Variants in SH3BP5 observed in about 807,000 individuals in gnomAD.
The protein encoded by SH3BP5 is SH3 domain binding protein 5.
In SH3BP5, 22 loss-of-function variants were observed where a neutral mutation model predicts 43.3. The observed-to-expected ratio is 0.51, with a 90% CI of 0.36 to 0.73. SH3BP5 has a LOEUF of 0.73. Among genes scored for constraint, SH3BP5 ranks in the 30% least tolerant of loss-of-function variants. The pLI is 0.00. For missense variants in SH3BP5, 529 were observed against 586.9 expected, an observed-to-expected ratio of 0.90 and a Z score of 1.02; for synonymous variants, 255 against 225.8, an observed-to-expected ratio of 1.13 and a Z score of -1.16.
intron 7 of SH3BP5, 110 bp downstream of exon 7, chr3:15,258,721 C>G (rs1275938724): frequency 1.2e-5 from 11 of 904,214 alleles, no homozygotes; most frequent in Non-Finnish European, 1.9e-5. Context: ...AGCCCTCAGG[C>G]CTGCCCAACT....
intron 2 of SH3BP5, among the ~76,000 whole-genome samples, chr3:15,328,135 C>T (rs1035363269): frequency 5.9e-5 from 9 of 152,256 alleles, no homozygotes; most frequent in Non-Finnish European, 2.9e-5. Flanking sequence ...CAGCCCAGCC[C>T]TGGCCACCCC....
intron 1 of SH3BP5, among the ~76,000 whole-genome samples, chr3:15,340,520 A>G (rs1381171371): frequency 6.6e-6 from 1 of 152,098 alleles, no homozygotes. Context: ...TAATCCCAAC[A>G]CTTTGGGATC....
Position 15,256,098 on chromosome 3 carries a change from C to T in SH3BP5, c.1356G>A (p.Val452=). Residue 452 remains valine (V), a synonymous_variant, in exon 9 of 9, where the codon GTG becomes GTA. Transcript: ENST00000383791. ...RDGIIADIKM[V]QIG ...GGCCCAGGATGAATCAGCCAATCTG[C>T]ACCATTTTTATGTCAGCAATAATTC... 1 of 1,613,590 alleles carries T rather than the reference C, an allele frequency of 6.2e-7. No homozygotes were observed. The highest frequency in any genetic ancestry group is 8.5e-7 in the Non-Finnish European group (1 of 1,179,518).
At chr3:15,257,393 A>C in intron 7 of SH3BP5, 2 of 353,136 alleles carry the variant, frequency 5.7e-6, no homozygotes, top group Non-Finnish European at 1.0e-5. Flanking sequence ...CCACCTAAAA[A>C]TGGAAGATTA....
In SH3BP5 at chr3:15,289,060, T is replaced by C. The variant is rs113978776; in HGVS notation, c.330+15043A>G. 7.9e-4 allele frequency among the ~76,000 whole-genome samples: 121 copies of C among 152,336 alleles called. 2 individuals are homozygous for C. The highest frequency in any genetic ancestry group is 2.1e-3 in the African/African-American group (88 of 41,570). On this transcript the variant is annotated intron_variant, in intron 3 of 8. Coordinates refer to ENST00000383791, the MANE Select transcript of SH3BP5 (RefSeq NM_004844.5). The stretch of plus-strand genomic sequence containing the variant: ...CAGAGATACAGGCAGTTACTATATT[T>C]CCATGCTCAAAAGAGTCTTATGCCT...
Position 15,259,047 on chromosome 3 carries a change from G to A in SH3BP5, c.673C>T (p.Leu225=), listed in dbSNP as rs1001692703. 1 of 1,613,792 alleles carries A rather than the reference G, an allele frequency of 6.2e-7. No homozygotes were observed. The highest frequency in any genetic ancestry group is 8.5e-7 in the Non-Finnish European group (1 of 1,179,782). The part of the protein sequence containing the change: ...KAKYYVQLEQ[L]KKTVDDLQAK... ...TGCAGGTCATCCACAGTCTTTTTCA[G>A]TTGCTGATCAAGAGAACAGGAGACT... Residue 225 remains leucine (L), a synonymous_variant, in exon 7 of 9, where the codon CTG becomes TTG. Coordinates refer to ENST00000383791, the MANE Select transcript of SH3BP5 (RefSeq NM_004844.5).
intron 1 of SH3BP5, among the ~76,000 whole-genome samples, chr3:15,340,779 G>A (rs184665917): frequency 2.3e-3 from 349 of 151,578 alleles, no homozygotes; most frequent in African/African-American, 8.1e-3. Flanking sequence ...TAGGCCAGGT[G>A]CAGTGGCTCA....
intron 7 of SH3BP5, chr3:15,257,441 C>A: frequency 4.0e-6 from 1 of 249,480 alleles, no homozygotes; most frequent in Non-Finnish European, 7.8e-6. Flanking sequence ...CCACCTCAGT[C>A]CCCCAAATAC....
intron 4 of SH3BP5, among the ~76,000 whole-genome samples, chr3:15,269,045 A>AT (rs976050170): frequency 2.0e-5 from 3 of 152,060 alleles, no homozygotes; most frequent in Non-Finnish European, 4.4e-5. Context: ...TTTGTTTAGT[A>AT]TTTTGTCTTG....
intron 3 of SH3BP5, among the ~76,000 whole-genome samples, chr3:15,280,359 G>T (rs1282089907): frequency 6.6e-6 from 1 of 151,988 alleles, no homozygotes; most frequent in African/African-American, 2.4e-5. Flanking sequence ...CTGAGCTGGG[G>T]GTAGACAGCA....
intron 3 of SH3BP5, among the ~76,000 whole-genome samples, chr3:15,288,549 G>A (rs188542707): frequency 5.9e-4 from 90 of 152,280 alleles, no homozygotes; most frequent in Admixed American, 1.2e-3. Context: ...CTTCAGCTCC[G>A]GAGTTCAAGA....
chr3:15,270,336 A>G (rs1301138910), intron 3 of SH3BP5, among the ~76,000 whole-genome samples: 1 of 152,170 alleles, frequency 6.6e-6, no homozygotes, highest in African/African-American at 2.4e-5. Flanking sequence ...CTTAGCTGAG[A>G]GGACACAGCC....
chr3:15,303,066 G>A (rs1183924381), intron 3 of SH3BP5, among the ~76,000 whole-genome samples: 4 of 152,100 alleles, frequency 2.6e-5, no homozygotes, highest in South Asian at 2.1e-4. Flanking sequence ...CCAAGTGATC[G>A]GCCTCCCAGA....
At chr3:15,337,260 T>C (rs2124843144), upstream of SH3BP5, among the ~76,000 whole-genome samples, 1 of 151,928 alleles carries the variant, frequency 6.6e-6, no homozygotes, top group South Asian at 2.1e-4. Flanking sequence ...AATATTTATA[T>C]TTTTAGTAGA....
chr3:15,277,429 A>T (rs772265319), intron 3 of SH3BP5, among the ~76,000 whole-genome samples: 31 of 152,142 alleles, frequency 2.0e-4, no homozygotes, highest in Non-Finnish European at 3.7e-4. Flanking sequence ...TGGAGGGTAT[A>T]AGATTTGCAG....
chr3:15,295,563 T>A (rs1157048637), intron 3 of SH3BP5, among the ~76,000 whole-genome samples: 1 of 152,198 alleles, frequency 6.6e-6, no homozygotes, highest in Non-Finnish European at 1.5e-5. Flanking sequence ...GTGATGCGCC[T>A]TATGGAGAAA....
chr3:15,337,524 A>G (rs902163531), upstream of SH3BP5, among the ~76,000 whole-genome samples: 3 of 152,134 alleles, frequency 2.0e-5, no homozygotes, highest in South Asian at 2.1e-4. Flanking sequence ...AGCCCCTACT[A>G]TATGCATACA....
chr3:15,291,584 A>G (rs1697414108), intron 3 of SH3BP5, among the ~76,000 whole-genome samples: 1 of 152,132 alleles, frequency 6.6e-6, no homozygotes, highest in South Asian at 2.1e-4. Flanking sequence ...TAAACTCCAC[A>G]AGGACATCCC....
chr3:15,300,197 T>C (rs1697696542), intron 3 of SH3BP5, among the ~76,000 whole-genome samples: 1 of 152,120 alleles, frequency 6.6e-6, no homozygotes, highest in African/African-American at 2.4e-5. Flanking sequence ...ACTAGGATTA[T>C]TTTCTTCTGT....
Sources: allele counts gnomAD v4.1 joint callset (sites outside exome capture counted in the v4.1 genomes callset), GRCh38; gene constraint gnomAD v4.1.1; transcripts MANE v1.5; gene names NCBI Gene and HGNC (gene_info 2026-07-23, HGNC 2026-07-21).